ATP8A2: variants seen among roughly 807,000 people sequenced by gnomAD.
The protein encoded by ATP8A2 is ATPase phospholipid transporting 8A2.
A neutral mutation model predicts 165.6 loss-of-function variants in ATP8A2; 100 were observed. The observed-to-expected ratio is 0.60, with a 90% CI of 0.51 to 0.71. The LOEUF (loss-of-function observed/expected upper bound fraction) is 0.71. Among genes scored for constraint, ATP8A2 ranks in the 30% least tolerant of loss-of-function variants. ATP8A2 has a pLI of 0.00. For synonymous variants in ATP8A2, 543 were observed against 548.8 expected (o/e 0.99, Z 0.15); for missense variants, 1,227 against 1,479.5 (o/e 0.83, Z 2.80).
At chr13:25,973,775 G>C (rs1593652737) in intron 35 of ATP8A2, among the ~76,000 whole-genome samples, 1 of 152,314 alleles carries the variant, frequency 6.6e-6, no homozygotes, top group Admixed American at 6.5e-5. Flanking sequence ...CCTGAGGCAG[G>C]AGGGATGCAG....
chr13:25,755,456 C>T (rs2138216624), intron 25 of ATP8A2, among the ~76,000 whole-genome samples: 1 of 152,282 alleles, frequency 6.6e-6, no homozygotes, highest in Non-Finnish European at 1.5e-5. Flanking sequence ...TGGCAGTAGC[C>T]ATTGTGTGCA....
At chr13:25,625,298 A>G (rs140327124) in intron 24 of ATP8A2, among the ~76,000 whole-genome samples, 78 of 152,328 alleles carry the variant, frequency 5.1e-4, no homozygotes, top group African/African-American at 1.8e-3. Flanking sequence ...CAGTTTTTGA[A>G]AGCATTAAGC....
intron 4 of ATP8A2, among the ~76,000 whole-genome samples, chr13:25,531,410 TTATATATATG>T (rs2038096991): frequency 6.8e-5 from 4 of 58,956 alleles, no homozygotes; most frequent in African/African-American, 1.7e-4. Context: ...ATATATATGA[TTATATATATG>T]ATATATATAT....
chr13:25,468,000 C>T lies in ATP8A2; in HGVS notation c.77-977C>T, dbSNP rs577753977. Among the ~76,000 whole-genome samples, 8 of 152,318 alleles carry T rather than the reference C, an allele frequency of 5.3e-5. 1 individual carries two copies. Among genetic ancestry groups the T allele is most frequent in the East Asian group, 1.9e-4 (1 of 5,184 alleles). ...TTTTTCTGTGATCCTTTATCTCAGACGCCTCTCCTCTGAAGGTCACTGCTC... is the reference window on the plus strand; with the variant it reads ...TTTTTCTGTGATCCTTTATCTCAGATGCCTCTCCTCTGAAGGTCACTGCTC... On this transcript the variant is annotated intron_variant, in intron 1 of 36. Transcript: ENST00000381655.
chr13:25,832,912 A>G (rs1951514693), intron 28 of ATP8A2, among the ~76,000 whole-genome samples: 3 of 152,218 alleles, frequency 2.0e-5, no homozygotes, highest in African/African-American at 7.2e-5. Context: ...TCACAGAAAT[A>G]TGGTAATGTA....
Position 25,435,912 on chromosome 13 carries a change from CGTGTGT to C in ATP8A2, c.77-33051_77-33046del, listed in dbSNP as rs148040890. ...ATGTCACGCAGTTAAGAAAAAGCAT[CGTGTGT>C]GTGTGTGTGTGTGAGTGTGTGTGTG... On this transcript the variant is annotated intron_variant, in intron 1 of 36. Coordinates refer to ENST00000381655, the MANE Select transcript of ATP8A2 (RefSeq NM_016529.6). 9.2e-4 allele frequency among the ~76,000 whole-genome samples: 52 copies of C among 56,738 alleles called. 1 individual carries two copies. Among genetic ancestry groups the C allele is most frequent in the South Asian group, 1.3e-3 (2 of 1,518 alleles). The allele number at this position is 56,738 out of a possible 152,430, so 37.2% of individuals were successfully genotyped here. A position where few individuals can be genotyped will look rare whatever the true frequency, so the allele number is the denominator to read the frequency against.
intron 33 of ATP8A2, among the ~76,000 whole-genome samples, chr13:25,897,730 G>A (rs968760535): frequency 2.9e-4 from 44 of 152,168 alleles, no homozygotes; most frequent in South Asian, 6.2e-4. Context: ...GGCTTTGTTC[G>A]TTTCTTTTTA....
intron 23 of ATP8A2, among the ~76,000 whole-genome samples, chr13:25,585,214 C>T (rs2039888733): frequency 6.6e-6 from 1 of 152,176 alleles, no homozygotes; most frequent in African/African-American, 2.4e-5. Context: ...TGCTAACTAG[C>T]TGTGTTTTGA....
chr13:25,647,754 C>T (rs548885728), intron 24 of ATP8A2, among the ~76,000 whole-genome samples: 14 of 151,604 alleles, frequency 9.2e-5, no homozygotes, highest in African/African-American at 2.4e-4. Context: ...GGCGTGGTCT[C>T]GGCTCACTGC....
At chr13:25,382,810 C>T (rs896767285) in intron 1 of ATP8A2, among the ~76,000 whole-genome samples, 6 of 151,132 alleles carry the variant, frequency 4.0e-5, no homozygotes, top group Non-Finnish European at 8.8e-5. Flanking sequence ...GGCTGGAGTG[C>T]AGTGGCACGA....
intron 35 of ATP8A2, among the ~76,000 whole-genome samples, chr13:25,989,680 T>C (rs1476645275): frequency 6.6e-6 from 1 of 152,200 alleles, no homozygotes; most frequent in Non-Finnish European, 1.5e-5. Flanking sequence ...CCTCTATTTA[T>C]TTTCAGTGAC....
intron 33 of ATP8A2, among the ~76,000 whole-genome samples, chr13:25,930,757 T>A (rs1407778469): frequency 6.6e-6 from 1 of 152,212 alleles, no homozygotes; most frequent in South Asian, 2.1e-4. Flanking sequence ...GGATAACAAA[T>A]GAAGGCTCAG....
At chr13:25,660,288 T>A (rs2042021259) in intron 24 of ATP8A2, among the ~76,000 whole-genome samples, 1 of 152,190 alleles carries the variant, frequency 6.6e-6, no homozygotes, top group Admixed American at 6.5e-5. Flanking sequence ...TCATGTGGAA[T>A]ATAAATGGGC....
At chr13:25,569,945 A>G (rs1214733273) in intron 16 of ATP8A2, among the ~76,000 whole-genome samples, 2 of 152,218 alleles carry the variant, frequency 1.3e-5, no homozygotes, top group Admixed American at 6.5e-5. Context: ...TCTTATATTT[A>G]GAATATTTAG....
intron 8 of ATP8A2, among the ~76,000 whole-genome samples, 177 bp from the exon 9 acceptor site, chr13:25,541,742 T>C (rs1313216245): frequency 1.3e-5 from 2 of 152,208 alleles, no homozygotes; most frequent in Non-Finnish European, 2.9e-5. Flanking sequence ...TAGATCGTTG[T>C]GGCAAAAGCT....
intron 25 of ATP8A2, among the ~76,000 whole-genome samples, chr13:25,729,631 G>A (rs1282639944): frequency 6.6e-6 from 1 of 152,084 alleles, no homozygotes; most frequent in East Asian, 1.9e-4. Context: ...CTGGCAAGGT[G>A]TGCATGAAGT....
intron 33 of ATP8A2, among the ~76,000 whole-genome samples, chr13:25,955,440 G>A (rs2093870): frequency 0.087 from 13,239 of 152,016 alleles, 922 homozygotes; most frequent in African/African-American, 0.19. Flanking sequence ...ATGATCAAGG[G>A]GATATCACCA....
intron 24 of ATP8A2, among the ~76,000 whole-genome samples, chr13:25,665,806 C>T (rs532843325): frequency 6.6e-6 from 1 of 151,908 alleles, no homozygotes; most frequent in East Asian, 1.9e-4. Context: ...GCCTCAGCCT[C>T]CTGGGTAGCT....
intron 36 of ATP8A2, among the ~76,000 whole-genome samples, chr13:26,014,550 C>G (rs1051284979): frequency 2.0e-5 from 3 of 151,842 alleles, no homozygotes; most frequent in Non-Finnish European, 4.4e-5. Context: ...TTTCGAGAGG[C>G]CTGTGGGTCC....
Sources: gnomAD v4.1 joint callset for allele counts (sites outside exome capture counted in the v4.1 genomes callset) on GRCh38, gnomAD v4.1.1 for gene constraint, MANE v1.5 for transcripts, NCBI Gene and HGNC (gene_info 2026-07-23, HGNC 2026-07-21) for gene names.